ABCG2: variants seen among roughly 807,000 people sequenced by gnomAD.
ABCG2 encodes the protein ATP binding cassette subfamily G member 2 (JR blood group), also known as broad substrate specificity ATP-binding cassette transporter ABCG2.
In ABCG2, 80 loss-of-function variants were observed where a neutral mutation model predicts 73.5. That is an observed-to-expected ratio of 1.09 (90% CI 0.91 to 1.31). The LOEUF (loss-of-function observed/expected upper bound fraction) is 1.31. Ranked by LOEUF, ABCG2 falls within the 50% of genes most tolerant of loss-of-function variation. The pLI, the probability that ABCG2 is intolerant of heterozygous loss-of-function variation, is 0.00. For synonymous variants in ABCG2, 269 were observed against 282.4 expected, an observed-to-expected ratio of 0.95 and a Z score of 0.48; for missense variants, 796 against 786.2, an observed-to-expected ratio of 1.01 and a Z score of -0.15.
chr4:88,112,651 T>G (rs45470195), intron 9 of ABCG2, among the ~76,000 whole-genome samples: 1 of 152,280 alleles, frequency 6.6e-6, no homozygotes, highest in African/African-American at 2.4e-5. Flanking sequence ...TAAGAACAAG[T>G]TGAATGAATC....
intron 2 of ABCG2, among the ~76,000 whole-genome samples, chr4:88,136,737 T>G (rs1324776253): frequency 6.7e-6 from 1 of 149,618 alleles, no homozygotes; most frequent in Non-Finnish European, 1.5e-5. Context: ...AAAAAGAGGC[T>G]GGGCACGGTG....
At chr4:88,224,925 C>G (rs1730148106) in intron 1 of ABCG2, among the ~76,000 whole-genome samples, 1 of 152,148 alleles carries the variant, frequency 6.6e-6, no homozygotes, top group Non-Finnish European at 1.5e-5. Flanking sequence ...TTCCCCAGCA[C>G]CATTTATTGA....
chr4:88,127,142 C>G (rs1312446472), intron 5 of ABCG2, among the ~76,000 whole-genome samples: 1 of 152,016 alleles, frequency 6.6e-6, no homozygotes, highest in Non-Finnish European at 1.5e-5. Context: ...AATAGACAAA[C>G]AGAGAGCCAA....
At chr4:88,157,764 T>G (rs1344916409) in intron 1 of ABCG2, among the ~76,000 whole-genome samples, 1 of 152,172 alleles carries the variant, frequency 6.6e-6, no homozygotes, top group African/African-American at 2.4e-5. Context: ...TCTTCCTTAC[T>G]ACTCTGGTGT....
intron 1 of ABCG2, among the ~76,000 whole-genome samples, chr4:88,199,216 A>G (rs1729054974): frequency 6.6e-6 from 1 of 151,970 alleles, no homozygotes; most frequent in Admixed American, 6.6e-5. Flanking sequence ...TGATCCACCC[A>G]CCTCAGCCTC....
At chr4:88,192,655 G>A (rs1447145287) in intron 1 of ABCG2, among the ~76,000 whole-genome samples, 15 of 151,604 alleles carry the variant, frequency 9.9e-5, no homozygotes, top group South Asian at 2.1e-4. Flanking sequence ...CTGACCTCAG[G>A]TGATCCACCT....
At chr4:88,094,458 C>T (rs910819488) in intron 15 of ABCG2, 119 bp downstream of exon 15, 6 of 775,700 alleles carry the variant, frequency 7.7e-6, no homozygotes, top group African/African-American at 7.0e-5. Flanking sequence ...GATGAGAAAA[C>T]GTAGGCTCGG....
Position 88,125,607 on chromosome 4 carries a change from C to CAAAAAAAAAAAAAA in ABCG2, c.532-3829_532-3816dup, listed in dbSNP as rs70957302. ...TGGGCAACAGAGCAAGACTCTGTCT[C>CAAAAAAAAAAAAAA]AAAAAAAAAAAAAAAAAAAAAAAAA... On this transcript the variant is annotated intron_variant, in intron 5 of 15. Transcript: ENST00000237612. Among the ~76,000 whole-genome samples, 10 of 34,980 alleles carry CAAAAAAAAAAAAAA rather than the reference C, an allele frequency of 2.9e-4. 1 individual carries two copies. The highest frequency in any genetic ancestry group is 2.2e-3 in the East Asian group (2 of 896). 22.9% of individuals were successfully genotyped at this position (34,980 alleles called of 152,430 possible).
chr4:88,140,442 T>C (rs893329861), intron 1 of ABCG2, among the ~76,000 whole-genome samples: 5 of 152,032 alleles, frequency 3.3e-5, no homozygotes, highest in African/African-American at 1.2e-4. Flanking sequence ...GCCAACATGG[T>C]GAAACCCTGT....
At chr4:88,207,443 G>A (rs770766849) in intron 1 of ABCG2, among the ~76,000 whole-genome samples, 12 of 152,062 alleles carry the variant, frequency 7.9e-5, no homozygotes, top group Non-Finnish European at 1.2e-4. Flanking sequence ...ATGAAACTGT[G>A]GACAACTGGA....
chr4:88,157,927 G>C (rs1415288659), intron 1 of ABCG2, among the ~76,000 whole-genome samples: 1 of 152,122 alleles, frequency 6.6e-6, no homozygotes, highest in Non-Finnish European at 1.5e-5. Flanking sequence ...TAATTCTTTA[G>C]CAAACCATCC....
intron 1 of ABCG2, among the ~76,000 whole-genome samples, chr4:88,170,922 A>G (rs1192146780): frequency 6.6e-6 from 1 of 152,246 alleles, no homozygotes; most frequent in Non-Finnish European, 1.5e-5. Context: ...CATATACACC[A>G]TGAAGTACTA....
At position 88,092,339 on chromosome 4, in the gene ABCG2, G is replaced by T; in HGVS notation, c.1863C>A (p.Leu621=). ...EEYLVKQGID[L]SPWGLWKNHV... ...GATTCTTCCACAAGCCCCAGGGTGA[G>T]AGATCGATGCCCTGCTTTACCAAAT... Residue 621 remains leucine, a synonymous_variant, in exon 16 of 16, where the codon CTC becomes CTA. Coordinates refer to ENST00000237612, the MANE Select transcript of ABCG2 (RefSeq NM_004827.3). 6.2e-7 allele frequency: 1 copy of T among 1,613,592 alleles called. No individual in the cohort carries two copies. Among genetic ancestry groups the T allele is most frequent in the Non-Finnish European group, 8.5e-7 (1 of 1,179,852 alleles).
At chr4:88,159,057 A>G, upstream of ABCG2, 1 of 445,138 alleles carries the variant, frequency 2.2e-6, no homozygotes. Flanking sequence ...CGCCAGCAGG[A>G]CTGGTACCAC....
rs1451016712 is a variant in ABCG2, at chr4:88,121,741, T to G, written c.583A>C (p.Ser195Arg). The change falls in exon 6 of 16, where the codon AGT becomes CGT. Residue 195 changes from serine to arginine, a missense_variant. Ser to Arg is a moderately radical substitution (Grantham distance 110). Transcript: ENST00000237612. ...GVSGGERKRTSIGMELITDPS... is the reference protein window; with the variant it reads ...GVSGGERKRTRIGMELITDPS... ...TCAGTGATAAGCTCCATTCCTATAC[T>G]AGTCCTTTTTCTTTCTCCTCCAGAC... 6.2e-7 allele frequency: 1 copy of G among 1,614,042 alleles called. No homozygotes were observed. The highest frequency in any genetic ancestry group is 1.3e-5 in the African/African-American group (1 of 75,056).
chr4:88,180,612 G>A (rs1189023039), intron 1 of ABCG2, among the ~76,000 whole-genome samples: 7 of 152,070 alleles, frequency 4.6e-5, no homozygotes, highest in Admixed American at 4.6e-4. Flanking sequence ...TATGGAAATG[G>A]TGGTGTGCAC....
chr4:88,125,222 G>T (rs1037682697), intron 5 of ABCG2, among the ~76,000 whole-genome samples: 1 of 151,790 alleles, frequency 6.6e-6, no homozygotes, highest in Non-Finnish European at 1.5e-5. Context: ...AACCTGGGAG[G>T]CTGAACTTGC....
At chr4:88,182,757 C>T (rs1578261330) in intron 1 of ABCG2, among the ~76,000 whole-genome samples, 1 of 151,968 alleles carries the variant, frequency 6.6e-6, no homozygotes, top group African/African-American at 2.4e-5. Context: ...AAAAGGAGTA[C>T]TAACAGGGAA....
chr4:88,230,133 C>A (rs1429192250), intron 1 of ABCG2, among the ~76,000 whole-genome samples: 1 of 149,706 alleles, frequency 6.7e-6, no homozygotes, highest in Non-Finnish European at 1.5e-5. Context: ...GCTGGGATTA[C>A]AGGCGTGTGA....
Sources: gnomAD v4.1 joint callset for allele counts (sites outside exome capture counted in the v4.1 genomes callset) on GRCh38, gnomAD v4.1.1 for gene constraint, MANE v1.5 for transcripts, NCBI Gene and HGNC (gene_info 2026-07-23, HGNC 2026-07-21) for gene names.